Variants in LRRTM4 observed in about 807,000 individuals in gnomAD.
LRRTM4 encodes leucine rich repeat transmembrane neuronal 4, also known as leucine-rich repeat transmembrane neuronal protein 4.
Under a neutral mutation model 47.6 loss-of-function variants are expected in LRRTM4, and 25 were observed. The ratio of observed to expected loss-of-function variants is 0.53; its 90% CI spans 0.38 to 0.73. The LOEUF (loss-of-function observed/expected upper bound fraction) is 0.73. Among genes scored for constraint, LRRTM4 ranks in the 30% least tolerant of loss-of-function variants. The probability of loss-of-function intolerance (pLI) is 0.00; values close to 1 mark genes in which losing one functional copy is unlikely to be tolerated. For missense variants in LRRTM4, 638 were observed against 713.4 expected, an observed-to-expected ratio of 0.89 and a Z score of 1.20; for synonymous variants, 311 against 269.5, an observed-to-expected ratio of 1.15 and a Z score of -1.51.
At chr2:77,094,042 C>T (rs981108746) in intron 3 of LRRTM4, among the ~76,000 whole-genome samples, 1 of 152,024 alleles carries the variant, frequency 6.6e-6, no homozygotes, top group African/African-American at 2.4e-5. Flanking sequence ...TTTCTGTTTG[C>T]TGATGACAAT....
At chr2:77,357,511 A>C (rs1672012350) in intron 3 of LRRTM4, among the ~76,000 whole-genome samples, 1 of 152,182 alleles carries the variant, frequency 6.6e-6, no homozygotes, top group Non-Finnish European at 1.5e-5. Flanking sequence ...AGTTAGGCTA[A>C]ATGTCTGCTT....
chr2:76,849,306 T>A (rs1311362220), intron 3 of LRRTM4, among the ~76,000 whole-genome samples: 1 of 152,070 alleles, frequency 6.6e-6, no homozygotes, highest in Non-Finnish European at 1.5e-5. Context: ...GCATTGTCAG[T>A]GTGATCCTCC....
intron 3 of LRRTM4, among the ~76,000 whole-genome samples, chr2:77,135,516 G>C (rs560518633): frequency 2.2e-4 from 33 of 152,270 alleles, no homozygotes; most frequent in African/African-American, 6.7e-4. Context: ...CAGTGACAGT[G>C]CTATGTATAC....
chr2:77,292,391 T>G (rs1573205542), intron 3 of LRRTM4, among the ~76,000 whole-genome samples: 1 of 151,826 alleles, frequency 6.6e-6, no homozygotes. Context: ...TAAAGACACA[T>G]GCACACATAT....
chr2:76,811,538 G>C (rs1290036853), intron 3 of LRRTM4, among the ~76,000 whole-genome samples: 2 of 152,120 alleles, frequency 1.3e-5, no homozygotes, highest in Non-Finnish European at 2.9e-5. Flanking sequence ...TCATCTGATG[G>C]AAAAACCTAT....
chr2:77,206,410 C>G (rs1674127357), intron 3 of LRRTM4, among the ~76,000 whole-genome samples: 2 of 151,802 alleles, frequency 1.3e-5, no homozygotes, highest in African/African-American at 4.8e-5. Context: ...GTCTTGAACT[C>G]CTGACCTCAA....
chr2:77,332,369 A>G (rs1385166454), intron 3 of LRRTM4, among the ~76,000 whole-genome samples: 1 of 152,218 alleles, frequency 6.6e-6, no homozygotes, highest in South Asian at 2.1e-4. Context: ...TAATTAGTAC[A>G]TTATAGTCTC....
chr2:76,931,019 T>G (rs966946528), intron 3 of LRRTM4, among the ~76,000 whole-genome samples: 3 of 152,162 alleles, frequency 2.0e-5, no homozygotes, highest in Non-Finnish European at 2.9e-5. Flanking sequence ...AGACCTTGTA[T>G]GATTTTTGAG....
intron 3 of LRRTM4, among the ~76,000 whole-genome samples, chr2:76,968,383 T>TATATATATATATATATAC (rs797010446): frequency 2.7e-5 from 3 of 111,424 alleles, no homozygotes; most frequent in Admixed American, 1.0e-4. Context: ...TATATATATA[T>TATATATATATATATATAC]ACACATACAT....
chr2:76,919,217 A>C (rs1674357571), intron 3 of LRRTM4, among the ~76,000 whole-genome samples: 1 of 152,074 alleles, frequency 6.6e-6, no homozygotes, highest in East Asian at 1.9e-4. Context: ...TCATATACGC[A>C]CCTAACACCT....
At chr2:77,059,352 T>C (rs372709013) in intron 3 of LRRTM4, among the ~76,000 whole-genome samples, 55 of 148,196 alleles carry the variant, frequency 3.7e-4, no homozygotes, top group African/African-American at 1.3e-3. Context: ...TGTCTTAATA[T>C]TCCAAAGTCA....
rs140227592 is a variant in LRRTM4 at position 76,942,676 on chromosome 2, C to CAGTGTGTG, written c.1552-193761_1552-193760insCACACACT. On this transcript the variant is annotated intron_variant, in intron 3 of 3. Coordinates refer to ENST00000409884, the MANE Select transcript of LRRTM4 (RefSeq NM_001134745.3). Reference sequence around the variant, plus strand: ...GGTCAAGTAACCAACCTCTAGGAATCTGTGTGTGTGTGTGTGTGTGTGTGT... The same window carrying CAGTGTGTG: ...GGTCAAGTAACCAACCTCTAGGAATCAGTGTGTGTGTGTGTGTGTGTGTGTGTGTGTGT... 2.1e-3 allele frequency among the ~76,000 whole-genome samples: 318 copies of CAGTGTGTG among 148,314 alleles called. 3 individuals are homozygous for CAGTGTGTG. Among genetic ancestry groups the CAGTGTGTG allele is most frequent in the East Asian group, 1.6e-3 (8 of 5,034 alleles).
intron 3 of LRRTM4, among the ~76,000 whole-genome samples, chr2:76,875,855 G>T (rs887123698): frequency 2.6e-5 from 4 of 152,090 alleles, no homozygotes; most frequent in Non-Finnish European, 5.9e-5. Context: ...GTGGGACTGG[G>T]GACAACTGCC....
chr2:77,278,837 C>T, intron 3 of LRRTM4, among the ~76,000 whole-genome samples: 1 of 151,970 alleles, frequency 6.6e-6, no homozygotes. Flanking sequence ...CTCCCATGAC[C>T]ACCGTCATGG....
chr2:76,750,806 A>C (rs1360806652), intron 3 of LRRTM4, among the ~76,000 whole-genome samples: 3 of 152,148 alleles, frequency 2.0e-5, no homozygotes, highest in Admixed American at 6.5e-5. Flanking sequence ...TTCCCTCTCT[A>C]TTCTTATGAG....
intron 3 of LRRTM4, among the ~76,000 whole-genome samples, chr2:77,477,436 C>T (rs1677446798): frequency 6.6e-6 from 1 of 152,124 alleles, no homozygotes; most frequent in Non-Finnish European, 1.5e-5. Context: ...ACCATAAACA[C>T]AAATAGATAA....
intron 3 of LRRTM4, among the ~76,000 whole-genome samples, chr2:77,454,867 C>T (rs1412303146): frequency 6.6e-6 from 1 of 151,890 alleles, no homozygotes; most frequent in Non-Finnish European, 1.5e-5. Flanking sequence ...CTAAAAGCTG[C>T]CCCCCCTTTT....
At chr2:77,399,065 A>T (rs1415941348) in intron 3 of LRRTM4, among the ~76,000 whole-genome samples, 2 of 151,644 alleles carry the variant, frequency 1.3e-5, no homozygotes, top group East Asian at 3.9e-4. Flanking sequence ...AAGTCCCCTC[A>T]ATAAACTCTA....
At chr2:77,422,527 T>A (rs756880934) in intron 3 of LRRTM4, among the ~76,000 whole-genome samples, 2 of 152,202 alleles carry the variant, frequency 1.3e-5, no homozygotes, top group African/African-American at 2.4e-5. Context: ...ATGTGACACA[T>A]CAACCATTTG....
Sources: gnomAD v4.1 joint callset for allele counts (sites outside exome capture counted in the v4.1 genomes callset) on GRCh38, gnomAD v4.1.1 for gene constraint, MANE v1.5 for transcripts, NCBI Gene and HGNC (gene_info 2026-07-23, HGNC 2026-07-21) for gene names.